Variants in L3MBTL4 observed in about 807,000 individuals in gnomAD.
The protein encoded by L3MBTL4 is lethal(3)malignant brain tumor-like protein 4.
L3MBTL4 carries 70 observed loss-of-function variants against 84.5 expected under a neutral mutation model. The ratio of observed to expected loss-of-function variants is 0.83; its 90% CI spans 0.68 to 1.01. The LOEUF (loss-of-function observed/expected upper bound fraction) is 1.01. Among genes scored for constraint, L3MBTL4 ranks in the 50% least tolerant of loss-of-function variants. L3MBTL4 has a pLI of 0.00. For missense variants in L3MBTL4, 715 were observed against 754.8 expected (o/e 0.95, Z 0.62); for synonymous variants, 274 against 259.8 (o/e 1.05, Z -0.52).
At chr18:6,318,491 T>A (rs80173502) in intron 1 of L3MBTL4, among the ~76,000 whole-genome samples, 11 of 2,906 alleles carry the variant, frequency 3.8e-3, no homozygotes, top group East Asian at 0.01. Flanking sequence ...CAAACAACAA[T>A]AGTAAAAAAA....
At chr18:6,207,126 G>T (rs927576232) in intron 12 of L3MBTL4, among the ~76,000 whole-genome samples, 20 of 152,170 alleles carry the variant, frequency 1.3e-4, no homozygotes, top group African/African-American at 4.8e-4. Context: ...CATGACATGT[G>T]AAAAGTATGT....
chr18:6,288,891 A>T (rs1464705764), intron 4 of L3MBTL4, among the ~76,000 whole-genome samples: 1 of 151,676 alleles, frequency 6.6e-6, no homozygotes, highest in Non-Finnish European at 1.5e-5. Flanking sequence ...TAAATCATTA[A>T]GTTTCTGGGT....
intron 16 of L3MBTL4, among the ~76,000 whole-genome samples, chr18:6,013,685 T>C (rs921904447): frequency 7.9e-5 from 12 of 152,166 alleles, no homozygotes; most frequent in Admixed American, 7.2e-4. Flanking sequence ...GTCTTGCAAT[T>C]CGAATTTTGC....
intron 16 of L3MBTL4, among the ~76,000 whole-genome samples, chr18:6,061,527 G>C (rs917938767): frequency 5.3e-5 from 8 of 151,450 alleles, no homozygotes; most frequent in Non-Finnish European, 1.0e-4. Context: ...TTCATGGTTT[G>C]TGCTTTCGGT....
chr18:6,119,208 G>C (rs2059452827), intron 14 of L3MBTL4, among the ~76,000 whole-genome samples: 1 of 151,510 alleles, frequency 6.6e-6, no homozygotes, highest in Admixed American at 6.6e-5. Context: ...GATTTTTTTA[G>C]AAATATGACA....
chr18:6,000,876 C>T (rs1368182472), intron 16 of L3MBTL4, among the ~76,000 whole-genome samples: 3 of 152,170 alleles, frequency 2.0e-5, no homozygotes, highest in African/African-American at 7.2e-5. Flanking sequence ...TAGGAAGTGC[C>T]AGGAATCTGT....
chr18:5,975,271 C>T (rs1425825577), intron 16 of L3MBTL4, among the ~76,000 whole-genome samples: 1 of 152,114 alleles, frequency 6.6e-6, no homozygotes, highest in African/African-American at 2.4e-5. Context: ...AAACGGAGAC[C>T]CATTTCACAA....
chr18:6,087,526 T>C (rs1169524917), intron 15 of L3MBTL4, among the ~76,000 whole-genome samples: 2 of 152,168 alleles, frequency 1.3e-5, no homozygotes, highest in Admixed American at 6.5e-5. Flanking sequence ...GGGGGGCTGC[T>C]CTGAAAGGCC....
chr18:6,408,498 A>G (rs915135019), intron 1 of L3MBTL4, among the ~76,000 whole-genome samples: 2 of 152,144 alleles, frequency 1.3e-5, no homozygotes, highest in Non-Finnish European at 2.9e-5. Flanking sequence ...CATTTTTAAA[A>G]CTGCAGATTT....
At chr18:6,271,118 G>A (rs557768436) in intron 4 of L3MBTL4, among the ~76,000 whole-genome samples, 1 of 152,152 alleles carries the variant, frequency 6.6e-6, no homozygotes, top group African/African-American at 2.4e-5. Context: ...GTGGTTTGGG[G>A]TTGGTTTTGT....
chr18:6,041,789 A>T (rs928493615), intron 16 of L3MBTL4, among the ~76,000 whole-genome samples: 3 of 152,030 alleles, frequency 2.0e-5, no homozygotes, highest in African/African-American at 4.8e-5. Flanking sequence ...CAATGGCACA[A>T]CTGTGGCTTA....
At chr18:6,068,772 G>T (rs967124543) in intron 16 of L3MBTL4, among the ~76,000 whole-genome samples, 21 of 152,198 alleles carry the variant, frequency 1.4e-4, no homozygotes, top group African/African-American at 5.1e-4. Flanking sequence ...GATTGTTGGG[G>T]TAGAGGTGTA....
intron 16 of L3MBTL4, among the ~76,000 whole-genome samples, chr18:6,004,986 T>C (rs2054395034): frequency 6.9e-6 from 1 of 144,924 alleles, no homozygotes; most frequent in South Asian, 2.2e-4. Context: ...ATAAAAATGG[T>C]TAAGATGATA....
intron 1 of L3MBTL4, among the ~76,000 whole-genome samples, chr18:6,407,094 C>A (rs912711204): frequency 2.0e-5 from 3 of 152,324 alleles, no homozygotes; most frequent in East Asian, 1.9e-4. Context: ...GTTTTGGACA[C>A]AGATGCAAGC....
intron 16 of L3MBTL4, among the ~76,000 whole-genome samples, chr18:5,986,804 T>C (rs1268187780): frequency 6.6e-6 from 1 of 152,230 alleles, no homozygotes; most frequent in African/African-American, 2.4e-5. Flanking sequence ...ACTGTGCCTT[T>C]GCTGTGAAAC....
intron 1 of L3MBTL4, among the ~76,000 whole-genome samples, chr18:6,327,114 G>A (rs2051765512): frequency 6.6e-6 from 1 of 152,160 alleles, no homozygotes; most frequent in African/African-American, 2.4e-5. Flanking sequence ...TAAAGGTAAG[G>A]CTCACCAAGT....
chr18:6,065,751 C>A (rs1352466373), intron 16 of L3MBTL4, among the ~76,000 whole-genome samples: 1 of 151,426 alleles, frequency 6.6e-6, no homozygotes, highest in African/African-American at 2.4e-5. Flanking sequence ...CTCTTTTTTT[C>A]TTGGTTAATC....
chr18:6,027,285 GT>G (rs2055554976), intron 16 of L3MBTL4, among the ~76,000 whole-genome samples: 1 of 152,116 alleles, frequency 6.6e-6, no homozygotes, highest in Non-Finnish European at 1.5e-5. Flanking sequence ...AACATGCCAT[GT>G]TTGGTTTTCT....
At chr18:6,192,566 C>G (rs535304779) in intron 12 of L3MBTL4, among the ~76,000 whole-genome samples, 7 of 151,934 alleles carry the variant, frequency 4.6e-5, no homozygotes, top group African/African-American at 1.7e-4. Flanking sequence ...TAGGCATCAT[C>G]GGCTGAGAAC....
Sources: allele counts gnomAD v4.1 joint callset (sites outside exome capture counted in the v4.1 genomes callset), GRCh38; gene constraint gnomAD v4.1.1; transcripts MANE v1.5; gene names NCBI Gene and HGNC (gene_info 2026-07-23, HGNC 2026-07-21).